The following ACTL6A variants were observed in gnomAD, a reference collection of about 807,000 sequenced individuals.
The protein encoded by ACTL6A is actin-like protein 6A.
Under a neutral mutation model 59.2 loss-of-function variants are expected in ACTL6A, and 5 were observed. The observed-to-expected ratio is 0.08, with a 90% CI of 0.04 to 0.18. The LOEUF (loss-of-function observed/expected upper bound fraction) is 0.18, where lower values mean the gene tolerates loss of function less well. Ranked by LOEUF, ACTL6A falls within the 10% of genes least tolerant of loss-of-function variation. The probability of loss-of-function intolerance (pLI) is 1.00; values close to 1 mark genes in which losing one functional copy is unlikely to be tolerated. For synonymous variants in ACTL6A, 154 were observed against 171.8 expected (o/e 0.90, Z 0.81); for missense variants, 285 against 526.9 (o/e 0.54, Z 4.49).
At chr3:179,587,120 C>G (rs1356731611) in intron 13 of ACTL6A, among the ~76,000 whole-genome samples, 1 of 152,144 alleles carries the variant, frequency 6.6e-6, no homozygotes, top group Non-Finnish European at 1.5e-5. Flanking sequence ...TTGTACTTTT[C>G]TGCATCCTGG....
intron 3 of ACTL6A, among the ~76,000 whole-genome samples, chr3:179,571,524 G>A (rs1458480725): frequency 6.6e-6 from 1 of 152,032 alleles, no homozygotes; most frequent in Non-Finnish European, 1.5e-5. Context: ...CTCAGCATAT[G>A]GTTGTATTCA....
At position 179,584,405 on chromosome 3, in the gene ACTL6A, T is replaced by C. The variant is rs1051140073; in HGVS notation, c.1122+957T>C. On this transcript the variant is annotated intron_variant, in intron 12 of 13. Coordinates refer to ENST00000429709, the MANE Select transcript of ACTL6A (RefSeq NM_004301.5). ...ACTTTGGGAGGCCGAGGCAGATGGA[T>C]TATGAGGTCAGGGAGACCAGCCTGG... The C allele has an allele frequency of 1.3e-3, 196 of 152,152 alleles. 1 individual carries two copies. Among genetic ancestry groups the C allele is most frequent in the African/African-American group, 4.5e-3 (185 of 41,488 alleles). The allele number at this position is 152,152 out of a possible 1,614,324, so 9.4% of individuals were successfully genotyped here. A position where few individuals can be genotyped will look rare whatever the true frequency, so the allele number is the denominator to read the frequency against.
intron 12 of ACTL6A, 116 bp from the exon 13 acceptor site, chr3:179,586,430 C>A: frequency 1.3e-6 from 1 of 762,986 alleles, no homozygotes; most frequent in South Asian, 2.3e-5. Flanking sequence ...TGAAGACCAG[C>A]CTGGACAATA....
In ACTL6A at chr3:179,576,703, C is replaced by T; in HGVS notation, c.655C>T (p.Pro219Ser). The T allele has an allele frequency of 1.2e-6, 2 of 1,613,374 alleles. No individual in the cohort carries two copies. The highest frequency in any genetic ancestry group is 1.7e-6 in the Non-Finnish European group (2 of 1,179,380). ...LFQEMNIELV[P>S]PYMIASKEAV... ...CCAAGAAATGAATATTGAATTGGTT[C>T]CTCCATATATGATTGCATCAAAAGT... Residue 219 changes from proline (P) to serine (S), a missense_variant, in exon 7 of 14, where the codon CCT becomes TCT. By Grantham distance (74) the Pro-to-Ser change is moderately conservative. Coordinates refer to ENST00000429709, the MANE Select transcript of ACTL6A (RefSeq NM_004301.5).
rs1192323095 is a variant in ACTL6A at position 179,574,589 on chromosome 3, T to C, written c.476+122T>C. The C allele has an allele frequency of 2.2e-5, 16 of 730,134 alleles. No individual in the cohort carries two copies. In the East Asian group the frequency reaches 4.1e-4, roughly 19 times the overall value. The allele number at this position is 730,134 out of a possible 1,614,324, so 45.2% of individuals were successfully genotyped here. ...TCCGAAGTTGTTTTTTTCCCTTTTC[T>C]CTTGCTTTTTAGCTATTCATCTTTT... On this transcript the variant is annotated intron_variant, in intron 5 of 13. Coordinates refer to ENST00000429709, the MANE Select transcript of ACTL6A (RefSeq NM_004301.5).
chr3:179,571,278 CA>C (rs1717998410), intron 3 of ACTL6A, among the ~76,000 whole-genome samples: 1 of 151,964 alleles, frequency 6.6e-6, no homozygotes, highest in Non-Finnish European at 1.5e-5. Context: ...AAAAATTTGA[CA>C]GGTGTGGTGA....
At chr3:179,566,415 A>G (rs1717835964) in intron 1 of ACTL6A, among the ~76,000 whole-genome samples, 1 of 152,220 alleles carries the variant, frequency 6.6e-6, no homozygotes, top group Non-Finnish European at 1.5e-5. Flanking sequence ...GGCTTCTTTT[A>G]TAAACATTTA....
intron 1 of ACTL6A, among the ~76,000 whole-genome samples, chr3:179,566,577 T>G (rs1310408318): frequency 1.3e-5 from 2 of 152,040 alleles, no homozygotes; most frequent in Admixed American, 1.3e-4. Flanking sequence ...GTCAGCAGAG[T>G]TGGTTTCTTC....
At chr3:179,580,134 A>T (rs1169644717) in intron 8 of ACTL6A, among the ~76,000 whole-genome samples, 5 of 152,192 alleles carry the variant, frequency 3.3e-5, no homozygotes, top group Admixed American at 3.3e-4. Flanking sequence ...TATACGAGGA[A>T]AAATTAGGAT....
chr3:179,562,927 A>G lies in ACTL6A; in HGVS notation c.-166A>G, dbSNP rs760962321. On this transcript the variant is annotated 5_prime_UTR_variant, in exon 1 of 14. Coordinates refer to ENST00000429709, the MANE Select transcript of ACTL6A (RefSeq NM_004301.5). Reference sequence around the variant, plus strand: ...GATTGGCTGATAGGAGGAGCCAGCAAGTGTGGCTGAGCTCCGGGGTGTGTG... The same window carrying G: ...GATTGGCTGATAGGAGGAGCCAGCAGGTGTGGCTGAGCTCCGGGGTGTGTG... 9 of 817,180 alleles carry G rather than the reference A, an allele frequency of 1.1e-5. No individual in the cohort carries two copies. The highest frequency in any genetic ancestry group is 2.0e-5 in the Admixed American group (1 of 49,846). 50.6% of individuals were successfully genotyped at this position (817,180 alleles called of 1,614,324 possible).
chr3:179,573,505 TTG>T (rs770866427), intron 4 of ACTL6A, 36 bp downstream of exon 4: 78 of 1,378,338 alleles, frequency 5.7e-5, no homozygotes, highest in Non-Finnish European at 7.0e-5. Flanking sequence ...GTTTCTCTAG[TTG>T]TTTTTTTTTT....
Position 179,570,297 on chromosome 3 carries a change from A to G in ACTL6A, c.277+56A>G. 7.0e-7 allele frequency: 1 copy of G among 1,434,002 alleles called. No homozygotes were observed. Among genetic ancestry groups the G allele is most frequent in the South Asian group, 1.5e-5 (1 of 67,624 alleles). 88.8% of individuals were successfully genotyped at this position (1,434,002 alleles called of 1,614,324 possible). A position where few individuals can be genotyped will look rare whatever the true frequency, so the allele number is the denominator to read the frequency against. On this transcript the variant is annotated intron_variant, in intron 3 of 13. Transcript: ENST00000429709. The surrounding 1 kb of genome is among the most constrained non-coding windows in gnomAD (Gnocchi z 4.3). ...GGAGTGTACATGTTATATTTTAGATACAAAGTAGTAGCTTCCTATAAGTTG... is the reference window on the plus strand; with the variant it reads ...GGAGTGTACATGTTATATTTTAGATGCAAAGTAGTAGCTTCCTATAAGTTG...
chr3:179,576,980 TATATAGGCTGTAAATCCTTGAGTAA>T (rs1438943320), intron 8 of ACTL6A, 67 bp downstream of exon 8: 56 of 1,287,682 alleles, frequency 4.3e-5, no homozygotes, highest in Non-Finnish European at 6.1e-5. Flanking sequence ...AAAAAAGTTA[TATATAGGCTGTAAATCCTTGAGTAA>T]AATATGGGCA....
At chr3:179,586,793 A>T in intron 13 of ACTL6A, 161 bp downstream of exon 13, 1 of 596,594 alleles carries the variant, frequency 1.7e-6, no homozygotes. Context: ...GTTCTGATGT[A>T]ACAAAATGCC....
chr3:179,567,441 G>A (rs1314700457), intron 1 of ACTL6A, among the ~76,000 whole-genome samples: 2 of 152,146 alleles, frequency 1.3e-5, no homozygotes, highest in Admixed American at 6.5e-5. Flanking sequence ...GAGGTACTAG[G>A]GGTTAGGATT....
chr3:179,569,818 T>G lies in ACTL6A; in HGVS notation c.26-6T>G. On this transcript the variant is annotated splice_region_variant and splice_polypyrimidine_tract_variant and intron_variant, in intron 1 of 13. Transcript: ENST00000429709. ...TGTTAATGCTAATTATCTTTAATCT[T>G]TTCAGATGAAGTTGGAGCCCTTGTT... is the stretch of plus-strand genomic sequence containing the variant. 1.9e-6 allele frequency: 3 copies of G among 1,613,538 alleles called. No individual in the cohort carries two copies. The highest frequency in any genetic ancestry group is 2.5e-6 in the Non-Finnish European group (3 of 1,179,434).
Position 179,563,115 on chromosome 3 carries a change from G to T in ACTL6A, c.23G>T (p.Gly8Val). Residue 8 changes from glycine (G) to valine (V), a missense_variant and splice_region_variant, in exon 1 of 14, where the codon GGA becomes GTA. Transcript: ENST00000429709. ...GCCATGAGCGGCGGCGTGTACGGGG[G>T]AGGTGAGTGAGTGCGGCCGGACGAG... The part of the protein sequence containing the change: MSGGVYG[G>V]DEVGALVFDI... The T allele has an allele frequency of 1.2e-6, 2 of 1,612,508 alleles. No individual in the cohort carries two copies. The highest frequency in any genetic ancestry group is 8.5e-7 in the Non-Finnish European group (1 of 1,179,556).
chr3:179,578,518 T>G (rs1718237339), intron 8 of ACTL6A, among the ~76,000 whole-genome samples: 1 of 152,096 alleles, frequency 6.6e-6, no homozygotes, highest in Admixed American at 6.6e-5. Flanking sequence ...CTTGGGAGAC[T>G]GAGGTGGGAG....
Position 179,573,361 on chromosome 3 carries a change from T to C in ACTL6A, c.278-8T>C, listed in dbSNP as rs751037395. On this transcript the variant is annotated splice_region_variant and splice_polypyrimidine_tract_variant and intron_variant, in intron 3 of 13. Transcript: ENST00000429709. ...CATTATTTCCAAGTTACTAATCTTA[T>C]ATTCTAGTTGAAGACTGGGATAGTT... 6 of 1,539,674 alleles carry C rather than the reference T, an allele frequency of 3.9e-6. No individual in the cohort carries two copies. The highest frequency in any genetic ancestry group is 1.4e-5 in the African/African-American group (1 of 71,530).
Sources: gnomAD v4.1 joint callset for allele counts (sites outside exome capture counted in the v4.1 genomes callset) on GRCh38, gnomAD v4.1.1 for gene constraint, Gnocchi (gnomAD v3.1) non-coding constraint, MANE v1.5 for transcripts, NCBI Gene and HGNC (gene_info 2026-07-23, HGNC 2026-07-21) for gene names.